Variants in ARF6 observed in about 807,000 individuals in gnomAD.
ARF6 encodes the protein ADP-ribosylation factor 6.
For missense variants in ARF6, 75 were observed against 232.0 expected (o/e 0.32, Z 4.40); for synonymous variants, 127 against 95.5 (o/e 1.33, Z -1.92).
chr14:49,894,753 A>G lies in ARF6; in HGVS notation c.*489A>G, dbSNP rs1220547559. 6.0e-6 allele frequency: 1 copy of G among 167,718 alleles called. No homozygotes were observed. Among genetic ancestry groups the G allele is most frequent in the East Asian group, 1.9e-4 (1 of 5,214 alleles). 10.4% of individuals were successfully genotyped at this position (167,718 alleles called of 1,614,324 possible). ...CAAGTCTGTTTCATCTAGTAAACTG[A>G]AAATTATTGCTTAATCAAACTGCCG... On this transcript the variant is annotated 3_prime_UTR_variant, in exon 2 of 2. Coordinates refer to ENST00000298316, the MANE Select transcript of ARF6 (RefSeq NM_001663.4).
Position 49,893,662 on chromosome 14 carries a change from CGCG to C in ARF6, c.-62_-60del, listed in dbSNP as rs1406071378. 3.5e-5 allele frequency: 54 copies of C among 1,539,730 alleles called. No individual in the cohort carries two copies. The highest frequency in any genetic ancestry group is 4.9e-5 in the South Asian group (4 of 81,816). ...CGGCCGAGAGGCTTCGTTTCGGTTT[CGCG>C]GCGGCGGCGGCGTTGTTGGCTGAGG... On this transcript the variant is annotated 5_prime_UTR_variant, in exon 2 of 2. Coordinates refer to ENST00000298316, the MANE Select transcript of ARF6 (RefSeq NM_001663.4).
rs1894523760 is a variant in ARF6, at chr14:49,896,383, A to C, written c.*2119A>C. On this transcript the variant is annotated 3_prime_UTR_variant, in exon 2 of 2. Coordinates refer to ENST00000298316, the MANE Select transcript of ARF6 (RefSeq NM_001663.4). ...ATATAAATATGGGTTATCCAATATC[A>C]ATGCTATAGTAACATCCTGAAACAA... 6.0e-6 allele frequency: 1 copy of C among 167,056 alleles called. No homozygotes were observed. Among genetic ancestry groups the C allele is most frequent in the Non-Finnish European group, 1.5e-5 (1 of 68,098 alleles). 10.3% of individuals were successfully genotyped at this position (167,056 alleles called of 1,614,324 possible).
chr14:49,897,023 A>G lies in ARF6; in HGVS notation c.*2759A>G, dbSNP rs542177000. 5.9e-4 allele frequency: 98 copies of G among 167,186 alleles called. No individual in the cohort carries two copies. Among genetic ancestry groups the G allele is most frequent in the Non-Finnish European group, 1.8e-4 (12 of 68,096 alleles). 10.4% of individuals were successfully genotyped at this position (167,186 alleles called of 1,614,324 possible). A position where few individuals can be genotyped will look rare whatever the true frequency, so the allele number is the denominator to read the frequency against. ...TGGTTGTAGTGTTGGTAAAGCACTA[A>G]TATGCAGAAAATAAAGGAATTACAC... On this transcript the variant is annotated 3_prime_UTR_variant, in exon 2 of 2. Coordinates refer to ENST00000298316, the MANE Select transcript of ARF6 (RefSeq NM_001663.4).
In ARF6 at chr14:49,893,899, A is replaced by G; in HGVS notation, c.163A>G (p.Lys55Glu). The G allele has an allele frequency of 6.2e-7, 1 of 1,614,212 alleles. No individual in the cohort carries two copies. The highest frequency in any genetic ancestry group is 8.5e-7 in the Non-Finnish European group (1 of 1,180,040). Residue 55 changes from lysine (K) to glutamate (E), a missense_variant, in exon 2 of 2, where the codon AAA (lysine) becomes GAA (glutamate). Coordinates refer to ENST00000298316, the MANE Select transcript of ARF6 (RefSeq NM_001663.4). The part of the protein sequence containing the change: ...VGFNVETVTY[K>E]NVKFNVWDVG... ...TTTCAACGTGGAGACGGTGACTTAC[A>G]AAAATGTCAAGTTCAACGTATGGGA...
In ARF6 at chr14:49,896,005, G is replaced by C. The variant is rs1356161129; in HGVS notation, c.*1741G>C. On this transcript the variant is annotated 3_prime_UTR_variant, in exon 2 of 2. Coordinates refer to ENST00000298316, the MANE Select transcript of ARF6 (RefSeq NM_001663.4). ...TTGAGCGGGATATCATGGTATAGTT[G>C]GACAGTATTGGTCCTTCACACTTTG... 6.0e-6 allele frequency: 1 copy of C among 166,716 alleles called. No individual in the cohort carries two copies. The highest frequency in any genetic ancestry group is 1.5e-5 in the Non-Finnish European group (1 of 68,080). 10.3% of individuals were successfully genotyped at this position (166,716 alleles called of 1,614,324 possible). A position where few individuals can be genotyped will look rare whatever the true frequency, so the allele number is the denominator to read the frequency against.
Position 49,893,833 on chromosome 14 carries a change from T to C in ARF6, c.97T>C (p.Leu33=). 1 of 1,614,218 alleles carries C rather than the reference T, an allele frequency of 6.2e-7. No homozygotes were observed. The highest frequency in any genetic ancestry group is 8.5e-7 in the Non-Finnish European group (1 of 1,180,030). The stretch of plus-strand genomic sequence containing the variant: ...CGGCAAGACAACAATCCTGTACAAG[T>C]TGAAGCTGGGCCAGTCGGTGACCAC... ...AAGKTTILYK[L]KLGQSVTTIP... The change falls in exon 2 of 2, where the codon TTG becomes CTG. Residue 33 remains leucine (L), a synonymous_variant. Transcript: ENST00000298316.
rs1894524636 is a variant in ARF6 at position 49,896,455 on chromosome 14, C to T, written c.*2191C>T. The stretch of plus-strand genomic sequence containing the variant: ...GCCTAAACTGGAGGAAACTTGAAAC[C>T]CTCATGTTAAATCTTAAATGTAGTA... On this transcript the variant is annotated 3_prime_UTR_variant, in exon 2 of 2. Coordinates refer to ENST00000298316, the MANE Select transcript of ARF6 (RefSeq NM_001663.4). 6.0e-6 allele frequency: 1 copy of T among 166,872 alleles called. No homozygotes were observed. Among genetic ancestry groups the T allele is most frequent in the African/African-American group, 2.4e-5 (1 of 41,402 alleles). 10.3% of individuals were successfully genotyped at this position (166,872 alleles called of 1,614,324 possible). A position where few individuals can be genotyped will look rare whatever the true frequency, so the allele number is the denominator to read the frequency against.
chr14:49,893,870 T>G lies in ARF6; in HGVS notation c.134T>G (p.Val45Gly). 6.2e-7 allele frequency: 1 copy of G among 1,614,202 alleles called. No homozygotes were observed. The highest frequency in any genetic ancestry group is 8.5e-7 in the Non-Finnish European group (1 of 1,180,022). ...LGQSVTTIPTVGFNVETVTYK... is the reference protein window; with the variant it reads ...LGQSVTTIPTGGFNVETVTYK... ...CAGTCGGTGACCACCATTCCCACTG[T>G]GGGTTTCAACGTGGAGACGGTGACT... Residue 45 changes from valine (V) to glycine (G), a missense_variant, in exon 2 of 2, where the codon GTG becomes GGG. Val to Gly is a moderately radical substitution (Grantham distance 109). Transcript: ENST00000298316.
Position 49,896,215 on chromosome 14 carries a change from G to C in ARF6, c.*1951G>C, listed in dbSNP as rs539420370. The C allele has an allele frequency of 2.7e-4, 45 of 166,938 alleles. No homozygotes were observed. Among genetic ancestry groups the C allele is most frequent in the African/African-American group, 1.1e-3 (45 of 41,556 alleles). The allele number at this position is 166,938 out of a possible 1,614,324, so 10.3% of individuals were successfully genotyped here. A position where few individuals can be genotyped will look rare whatever the true frequency, so the allele number is the denominator to read the frequency against. On this transcript the variant is annotated 3_prime_UTR_variant, in exon 2 of 2. Coordinates refer to ENST00000298316, the MANE Select transcript of ARF6 (RefSeq NM_001663.4). ...TGATTTCAGGATACAACTAAAGTAC[G>C]AAGTTCTCAGTTTCACTTTAGTAGA...
Position 49,894,453 on chromosome 14 carries a change from C to CTTTTTTTTTTTTTTTTTTTTTTT in ARF6, c.*211_*212insTTTTTTTTTTTTTTTTTTTTTTT, listed in dbSNP as rs35848359. On this transcript the variant is annotated 3_prime_UTR_variant, in exon 2 of 2. Transcript: ENST00000298316. ...TTTTGTTTGTTTCCCTTTCTTTTTCCTTTTTTTTTTTTTTTTTTTTTTGTT... is the reference window on the plus strand; with the variant it reads ...TTTTGTTTGTTTCCCTTTCTTTTTCCTTTTTTTTTTTTTTTTTTTTTTTTTTTTTTTTTTTTTTTTTTTTTGTT... 1 of 226,488 alleles carries CTTTTTTTTTTTTTTTTTTTTTTT rather than the reference C, an allele frequency of 4.4e-6. No homozygotes were observed. The highest frequency in any genetic ancestry group is 7.9e-6 in the Non-Finnish European group (1 of 125,912). The allele number at this position is 226,488 out of a possible 1,614,324, so 14.0% of individuals were successfully genotyped here. A position where few individuals can be genotyped will look rare whatever the true frequency, so the allele number is the denominator to read the frequency against.
In ARF6 at chr14:49,894,869, A is replaced by G. The variant is rs1894501256; in HGVS notation, c.*605A>G. ...GTGACCTTTTATATCTAAGACCAGT[A>G]TAGTAAACTTAGCCCACAGTGGCAA... On this transcript the variant is annotated 3_prime_UTR_variant, in exon 2 of 2. Coordinates refer to ENST00000298316, the MANE Select transcript of ARF6 (RefSeq NM_001663.4). 6.0e-6 allele frequency: 1 copy of G among 167,162 alleles called. No individual in the cohort carries two copies. Among genetic ancestry groups the G allele is most frequent in the South Asian group, 2.1e-4 (1 of 4,840 alleles). The allele number at this position is 167,162 out of a possible 1,614,324, so 10.4% of individuals were successfully genotyped here.
rs1447527953 is a variant in ARF6, at chr14:49,894,605, T to C, written c.*341T>C. ...TTCTTGGTAAAGTCCTTTGTAATAA[T>C]AGTTTGATTTTTTTATTTCGAGAGA... On this transcript the variant is annotated 3_prime_UTR_variant, in exon 2 of 2. Transcript: ENST00000298316. 1 of 212,256 alleles carries C rather than the reference T, an allele frequency of 4.7e-6. No individual in the cohort carries two copies. The highest frequency in any genetic ancestry group is 1.0e-5 in the Non-Finnish European group (1 of 96,952). 13.1% of individuals were successfully genotyped at this position (212,256 alleles called of 1,614,324 possible).
At position 49,893,658 on chromosome 14, in the gene ARF6, GT is replaced by G; in HGVS notation, c.-76del. 1 of 1,541,250 alleles carries G rather than the reference GT, an allele frequency of 6.5e-7. No individual in the cohort carries two copies. The highest frequency in any genetic ancestry group is 8.8e-7 in the Non-Finnish European group (1 of 1,138,968). On this transcript the variant is annotated 5_prime_UTR_variant, in exon 2 of 2. Coordinates refer to ENST00000298316, the MANE Select transcript of ARF6 (RefSeq NM_001663.4). ...CTCGCGGCCGAGAGGCTTCGTTTCG[GT>G]TTCGCGGCGGCGGCGGCGTTGTTGG...
In ARF6 at chr14:49,893,841, G is replaced by C; in HGVS notation, c.105G>C (p.Leu35=). Residue 35 remains leucine, a synonymous_variant, in exon 2 of 2, where the codon CTG becomes CTC. Coordinates refer to ENST00000298316, the MANE Select transcript of ARF6 (RefSeq NM_001663.4). ...CAACAATCCTGTACAAGTTGAAGCTGGGCCAGTCGGTGACCACCATTCCCA... is the reference window on the plus strand; with the variant it reads ...CAACAATCCTGTACAAGTTGAAGCTCGGCCAGTCGGTGACCACCATTCCCA... The part of the protein sequence containing the change: ...GKTTILYKLK[L]GQSVTTIPTV... 6.2e-7 allele frequency: 1 copy of C among 1,614,226 alleles called. No homozygotes were observed. The highest frequency in any genetic ancestry group is 8.5e-7 in the Non-Finnish European group (1 of 1,180,038).
At position 49,896,914 on chromosome 14, in the gene ARF6, A is replaced by G. The variant is rs766841311; in HGVS notation, c.*2650A>G. On this transcript the variant is annotated 3_prime_UTR_variant, in exon 2 of 2. Transcript: ENST00000298316. Reference sequence around the variant, plus strand: ...ACTGCAGTAAGTTTTGAATGAGGTTAATCTTGTTTAATATAAGTAAATGAG... The same window carrying G: ...ACTGCAGTAAGTTTTGAATGAGGTTGATCTTGTTTAATATAAGTAAATGAG... 1.2e-5 allele frequency: 2 copies of G among 167,088 alleles called. No individual in the cohort carries two copies. Among genetic ancestry groups the G allele is most frequent in the African/African-American group, 2.4e-5 (1 of 41,444 alleles). 10.4% of individuals were successfully genotyped at this position (167,088 alleles called of 1,614,324 possible). A position where few individuals can be genotyped will look rare whatever the true frequency, so the allele number is the denominator to read the frequency against.
Position 49,893,664 on chromosome 14 carries a change from C to T in ARF6, c.-73C>T, listed in dbSNP as rs1283723807. On this transcript the variant is annotated 5_prime_UTR_variant, in exon 2 of 2. Transcript: ENST00000298316. ...GCCGAGAGGCTTCGTTTCGGTTTCG[C>T]GGCGGCGGCGGCGTTGTTGGCTGAG... 2.6e-6 allele frequency: 4 copies of T among 1,518,460 alleles called. No homozygotes were observed. Among genetic ancestry groups the T allele is most frequent in the South Asian group, 2.5e-5 (2 of 81,146 alleles). The allele number at this position is 1,518,460 out of a possible 1,614,324, so 94.1% of individuals were successfully genotyped here.
In ARF6 at chr14:49,896,794, A is replaced by G. The variant is rs1451413690; in HGVS notation, c.*2530A>G. On this transcript the variant is annotated 3_prime_UTR_variant, in exon 2 of 2. Transcript: ENST00000298316. ...TAACCATTGGTGACTGGAGCAGGTA[A>G]TTATAGCCTGCAGAAAAAATTATCT... The G allele has an allele frequency of 1.2e-5, 2 of 167,064 alleles. No individual in the cohort carries two copies. The highest frequency in any genetic ancestry group is 1.3e-4 in the Admixed American group (2 of 15,280). 10.3% of individuals were successfully genotyped at this position (167,064 alleles called of 1,614,324 possible). A position where few individuals can be genotyped will look rare whatever the true frequency, so the allele number is the denominator to read the frequency against.
Position 49,893,916 on chromosome 14 carries a change from C to T in ARF6, c.180C>T (p.Asn60=), listed in dbSNP as rs1316413375. 5.0e-6 allele frequency: 8 copies of T among 1,614,078 alleles called. No individual in the cohort carries two copies. The highest frequency in any genetic ancestry group is 1.3e-5 in the African/African-American group (1 of 74,938). ...TGACTTACAAAAATGTCAAGTTCAA[C>T]GTATGGGATGTGGGCGGCCAGGACA... ...ETVTYKNVKF[N]VWDVGGQDKI... Residue 60 remains asparagine (N), a synonymous_variant, in exon 2 of 2, where the codon AAC becomes AAT. Coordinates refer to ENST00000298316, the MANE Select transcript of ARF6 (RefSeq NM_001663.4).
In ARF6 at chr14:49,893,471, G is replaced by C. The variant is rs547230601; in HGVS notation, c.-266G>C. 6.5e-3 allele frequency: 2,377 copies of C among 367,374 alleles called. 13 individuals carry two copies. The highest frequency in any genetic ancestry group is 9.9e-3 in the Non-Finnish European group (2,027 of 204,746). 22.8% of individuals were successfully genotyped at this position (367,374 alleles called of 1,614,324 possible). ...GCGGGGGGAAGGGCAGTTCCGGGCCGGGCCGCGCCTCAGCAGGGCGGCGGC... is the reference window on the plus strand; with the variant it reads ...GCGGGGGGAAGGGCAGTTCCGGGCCCGGCCGCGCCTCAGCAGGGCGGCGGC... On this transcript the variant is annotated 5_prime_UTR_variant, in exon 2 of 2. Transcript: ENST00000298316.
Sources: gnomAD v4.1 joint callset for allele counts on GRCh38, gnomAD v4.1.1 for gene constraint, MANE v1.5 for transcripts, NCBI Gene and HGNC (gene_info 2026-07-23, HGNC 2026-07-21) for gene names.